Variants in SUN3 observed in about 807,000 individuals in gnomAD.
The protein encoded by SUN3 is SUN domain-containing protein 3.
Under a neutral mutation model 48.2 loss-of-function variants are expected in SUN3, and 36 were observed. That is an observed-to-expected ratio of 0.75 (90% CI 0.57 to 0.99). SUN3 has a LOEUF of 0.99. Among genes scored for constraint, SUN3 ranks in the 50% least tolerant of loss-of-function variants. The pLI, the probability that SUN3 is intolerant of heterozygous loss-of-function variation, is 0.00. For missense variants in SUN3, 419 were observed against 433.1 expected, an observed-to-expected ratio of 0.97 and a Z score of 0.29; for synonymous variants, 148 against 147.9, an observed-to-expected ratio of 1.00 and a Z score of 0.00.
At chr7:48,015,634 TA>T (rs1789790801) in intron 3 of SUN3, among the ~76,000 whole-genome samples, 1 of 152,168 alleles carries the variant, frequency 6.6e-6, no homozygotes, top group Non-Finnish European at 1.5e-5. Context: ...CACTATGGGT[TA>T]AAAGATCAGC....
intron 2 of SUN3, among the ~76,000 whole-genome samples, chr7:48,021,807 C>T (rs376739870): frequency 1.3e-5 from 2 of 152,098 alleles, no homozygotes; most frequent in African/African-American, 2.4e-5. Flanking sequence ...GGAGAACTCT[C>T]ATACACTGTT....
At chr7:48,001,529 T>TC (rs1789370067) in intron 6 of SUN3, among the ~76,000 whole-genome samples, 1 of 119,632 alleles carries the variant, frequency 8.4e-6, no homozygotes, top group Non-Finnish European at 1.8e-5. Context: ...TCTGTTTTTT[T>TC]TGTTTTTTTT....
intron 6 of SUN3, 141 bp from the exon 7 acceptor site, chr7:47,996,287 G>T: frequency 3.8e-6 from 2 of 524,950 alleles, no homozygotes; most frequent in Non-Finnish European, 6.7e-6. Context: ...GGAATTGATA[G>T]GAAAAGTATG....
At chr7:48,002,384 T>A (rs1332984707) in intron 6 of SUN3, among the ~76,000 whole-genome samples, 5 of 127,784 alleles carry the variant, frequency 3.9e-5, no homozygotes, top group Non-Finnish European at 5.9e-5. Context: ...GGTCTCGATC[T>A]CCTGACCTCG....
At chr7:48,035,689 C>A in the SUN3 span, 1 of 613,416 alleles carries the variant, frequency 1.6e-6, no homozygotes. The surrounding 1 kb of genome is among the most constrained non-coding windows in gnomAD (Gnocchi z 4.0). Context: ...GGGCCTTGTC[C>A]ACTGTGCGGA....
At chr7:47,996,478 T>C (rs1233376004) in intron 6 of SUN3, among the ~76,000 whole-genome samples, 2 of 152,234 alleles carry the variant, frequency 1.3e-5, no homozygotes, top group East Asian at 3.9e-4. Flanking sequence ...TAACAGCTCA[T>C]GTGATAAATG....
At chr7:48,002,199 G>C (rs1287628507) in intron 6 of SUN3, among the ~76,000 whole-genome samples, 2 of 98,640 alleles carry the variant, frequency 2.0e-5, no homozygotes, top group Non-Finnish European at 3.3e-5. Context: ...TCGCTCTGTC[G>C]CCCAGGCTGG....
intron 8 of SUN3, among the ~76,000 whole-genome samples, chr7:47,992,012 T>C (rs1041169971): frequency 1.3e-5 from 2 of 152,010 alleles, no homozygotes; most frequent in Admixed American, 1.3e-4. Flanking sequence ...GCGGCCCTCC[T>C]CTCCCCAGCA....
chr7:47,991,539 T>TGA (rs548778074), intron 8 of SUN3, among the ~76,000 whole-genome samples: 1 of 34,078 alleles, frequency 2.9e-5, no homozygotes, highest in Non-Finnish European at 9.0e-5. Flanking sequence ...GATGGGAAGA[T>TGA]CATAATTGAA....
intron 6 of SUN3, among the ~76,000 whole-genome samples, chr7:47,999,670 A>G (rs1041792792): frequency 1.3e-5 from 2 of 152,004 alleles, no homozygotes; most frequent in Non-Finnish European, 2.9e-5. Context: ...CCTGAGTAGC[A>G]GGATTACAGG....
intron 2 of SUN3, among the ~76,000 whole-genome samples, chr7:48,022,172 G>C (rs948377244): frequency 5.3e-5 from 8 of 152,078 alleles, no homozygotes; most frequent in African/African-American, 1.7e-4. Flanking sequence ...TTCATAGAAA[G>C]ACAAATATCA....
At chr7:48,008,497 C>A (rs752257099) in intron 4 of SUN3, among the ~76,000 whole-genome samples, 1 of 151,870 alleles carries the variant, frequency 6.6e-6, no homozygotes, top group Admixed American at 6.6e-5. Context: ...AACCATTGGC[C>A]TAATTTTCTT....
At chr7:48,025,434 G>A (rs1192932055) in intron 2 of SUN3, among the ~76,000 whole-genome samples, 3 of 152,298 alleles carry the variant, frequency 2.0e-5, no homozygotes, top group Admixed American at 6.5e-5. Context: ...AGGGGTGGTG[G>A]ATGGTGATAT....
intron 2 of SUN3, among the ~76,000 whole-genome samples, chr7:48,021,029 T>C (rs1044941684): frequency 2.6e-5 from 4 of 152,174 alleles, no homozygotes; most frequent in African/African-American, 9.6e-5. Context: ...CTTCAAATTA[T>C]ACTACAGAGC....
chr7:47,998,068 C>T (rs956433238), intron 6 of SUN3, among the ~76,000 whole-genome samples: 3 of 152,166 alleles, frequency 2.0e-5, no homozygotes, highest in African/African-American at 7.2e-5. Context: ...GAACATGTTT[C>T]AATTTATCTT....
intron 2 of SUN3, 152 bp from the exon 3 acceptor site, chr7:48,017,517 A>G (rs1327629174): frequency 3.3e-6 from 2 of 613,654 alleles, no homozygotes; most frequent in Non-Finnish European, 5.7e-6. Flanking sequence ...ATGGTGGAAT[A>G]GTACACACAA....
At chr7:48,028,679 G>C in intron 1 of SUN3, 138 bp downstream of exon 1, 1 of 1,134,064 alleles carries the variant, frequency 8.8e-7, no homozygotes, top group Non-Finnish European at 1.2e-6. Flanking sequence ...ACCTTCAAAG[G>C]AAACTATTGA....
chr7:48,012,546 A>G (rs1039996132), intron 3 of SUN3, among the ~76,000 whole-genome samples: 1 of 152,184 alleles, frequency 6.6e-6, no homozygotes, highest in Non-Finnish European at 1.5e-5. Flanking sequence ...GTCCCATAAG[A>G]TATCTAACTT....
At chr7:48,009,868 A>C (rs1398635332) in intron 3 of SUN3, among the ~76,000 whole-genome samples, 1 of 152,000 alleles carries the variant, frequency 6.6e-6, no homozygotes, top group African/African-American at 2.4e-5. Context: ...CCTCACCTGG[A>C]ATGGGGGAAT....
Sources: allele counts gnomAD v4.1 joint callset (sites outside exome capture counted in the v4.1 genomes callset), GRCh38; gene constraint gnomAD v4.1.1; non-coding constraint Gnocchi (gnomAD v3.1); transcripts MANE v1.5; gene names NCBI Gene and HGNC (gene_info 2026-07-23, HGNC 2026-07-21).